BCAS1: variants seen among roughly 807,000 people sequenced by gnomAD.
The protein encoded by BCAS1 is brain enriched myelin associated protein 1.
Under a neutral mutation model 65.4 loss-of-function variants are expected in BCAS1, and 46 were observed. The observed-to-expected ratio is 0.70, with a 90% confidence interval of 0.55 to 0.90. The LOEUF (loss-of-function observed/expected upper bound fraction) is 0.90, where lower values mean the gene tolerates loss of function less well. Among genes scored for constraint, BCAS1 ranks in the 40% least tolerant of loss-of-function variants. The probability of loss-of-function intolerance (pLI) is 0.00; values close to 1 mark genes in which losing one functional copy is unlikely to be tolerated. For synonymous variants in BCAS1, 298 were observed against 293.5 expected (o/e 1.02, Z -0.16); for missense variants, 793 against 771.2 (o/e 1.03, Z -0.33).
intron 3 of BCAS1, among the ~76,000 whole-genome samples, chr20:54,051,463 C>T (rs1405583102): frequency 6.6e-6 from 1 of 152,140 alleles, no homozygotes; most frequent in Non-Finnish European, 1.5e-5. Context: ...AGGTCTCCCT[C>T]TCTTGGGCAG....
intron 4 of BCAS1, among the ~76,000 whole-genome samples, chr20:54,015,547 C>T (rs140676702): frequency 1.1e-3 from 164 of 152,168 alleles, no homozygotes; most frequent in African/African-American, 3.9e-3. Flanking sequence ...ACACAGACAG[C>T]ACAACCATAG....
intron 9 of BCAS1, among the ~76,000 whole-genome samples, chr20:53,967,682 G>A (rs2090071105): frequency 6.6e-6 from 1 of 152,260 alleles, no homozygotes; most frequent in South Asian, 2.1e-4. Context: ...GCAAGAAACT[G>A]ATGGCTAAGT....
At chr20:54,069,948 G>C (rs946959632) in intron 1 of BCAS1, among the ~76,000 whole-genome samples, 2 of 152,188 alleles carry the variant, frequency 1.3e-5, no homozygotes, top group African/African-American at 4.8e-5. Context: ...CTCATAGGGT[G>C]GTCTTGAGCG....
rs1057312380 is a variant in BCAS1 at position 53,947,585 on chromosome 20, C to T, written c.1816-2589G>A. Among the ~76,000 whole-genome samples the T allele has an allele frequency of 7.9e-5, 12 of 152,266 alleles. No individual in the cohort carries two copies. In the East Asian group the frequency reaches 2.1e-3, roughly 27 times the overall value. On this transcript the variant is annotated intron_variant, in intron 12 of 12. Coordinates refer to ENST00000688948, the MANE Select transcript of BCAS1 (RefSeq NM_001366298.2). ...CCCACCCGGTCCTCACTGCAGCCCA[C>T]GAGGTTGACGCCACTGTCGCTCTCA...
chr20:54,041,265 T>C (rs2091985983), intron 3 of BCAS1, among the ~76,000 whole-genome samples: 2 of 151,246 alleles, frequency 1.3e-5, no homozygotes, highest in South Asian at 4.2e-4. Flanking sequence ...ATTGCACACA[T>C]GGTGCAAATA....
Position 54,041,908 on chromosome 20 carries a change from C to CAAAAAAAAAAAAAAAAAAAAAAAAAAA in BCAS1, c.143-12937_143-12936insTTTTTTTTTTTTTTTTTTTTTTTTTTT. ...AGTTCAGAGTGAGACTCTGTCTCCC[C>CAAAAAAAAAAAAAAAAAAAAAAAAAAA]CAAAAAAAAAAAAAAAAAAAAAAGA... On this transcript the variant is annotated intron_variant, in intron 3 of 12. Transcript: ENST00000688948. 2.4e-3 allele frequency among the ~76,000 whole-genome samples: 162 copies of CAAAAAAAAAAAAAAAAAAAAAAAAAAA among 67,292 alleles called. 42 individuals carry two copies. Among genetic ancestry groups the CAAAAAAAAAAAAAAAAAAAAAAAAAAA allele is most frequent in the South Asian group, 3.7e-3 (5 of 1,334 alleles). 44.1% of individuals were successfully genotyped at this position (67,292 alleles called of 152,430 possible). A position where few individuals can be genotyped will look rare whatever the true frequency, so the allele number is the denominator to read the frequency against.
chr20:54,032,158 G>T (rs1209126484), intron 3 of BCAS1, among the ~76,000 whole-genome samples: 2 of 151,402 alleles, frequency 1.3e-5, no homozygotes, highest in African/African-American at 4.8e-5. Context: ...CAAGCCAGAA[G>T]AGATTGAGGA....
intron 8 of BCAS1, among the ~76,000 whole-genome samples, chr20:53,976,928 A>T (rs1376140534): frequency 3.9e-5 from 6 of 152,222 alleles, no homozygotes; most frequent in African/African-American, 1.2e-4. Context: ...CAGTAGTGTT[A>T]CTGTATTAAT....
chr20:54,053,110 T>C (rs755211624), intron 3 of BCAS1, among the ~76,000 whole-genome samples: 1 of 152,234 alleles, frequency 6.6e-6, no homozygotes, highest in Non-Finnish European at 1.5e-5. Context: ...ACATGGTATG[T>C]TGTTTTAACA....
rs147769233 is a variant in BCAS1, at chr20:54,016,658, T to TA, written c.723+11733dup. 2.9e-3 allele frequency among the ~76,000 whole-genome samples: 449 copies of TA among 152,308 alleles called. 2 individuals carry two copies. The highest frequency in any genetic ancestry group is 0.01 in the African/African-American group (431 of 41,554). On this transcript the variant is annotated intron_variant, in intron 4 of 12. Transcript: ENST00000688948. ...CTTCTTAGTGGTCCAGGTAGTTGAT[T>TA]AAGAAATTATCTAAGACTTCAGAGG...
chr20:54,047,259 G>A (rs1458217725), intron 3 of BCAS1, among the ~76,000 whole-genome samples: 2 of 152,142 alleles, frequency 1.3e-5, no homozygotes, highest in African/African-American at 2.4e-5. Flanking sequence ...CAGAAGCTCC[G>A]AGTCTTCTTA....
chr20:54,056,414 G>A (rs966275002), intron 3 of BCAS1, among the ~76,000 whole-genome samples: 10 of 152,100 alleles, frequency 6.6e-5, no homozygotes, highest in African/African-American at 2.2e-4. Context: ...TGTGTATACC[G>A]GGGCGTAGGG....
chr20:54,053,618 A>T (rs1038865072), intron 3 of BCAS1, among the ~76,000 whole-genome samples: 5 of 152,266 alleles, frequency 3.3e-5, no homozygotes, highest in African/African-American at 1.2e-4. Flanking sequence ...CCAAGACAGA[A>T]TAACTTTCCT....
At chr20:54,042,289 G>T (rs2092013972) in intron 3 of BCAS1, among the ~76,000 whole-genome samples, 1 of 151,892 alleles carries the variant, frequency 6.6e-6, no homozygotes. Flanking sequence ...ATAACTAGTG[G>T]GTACTAGGCT....
intron 12 of BCAS1, among the ~76,000 whole-genome samples, chr20:53,946,935 TAATA>T (rs919545665): frequency 5.9e-5 from 9 of 152,062 alleles, no homozygotes; most frequent in African/African-American, 2.2e-4. Context: ...TATTATAGCA[TAATA>T]AATAGAGTGT....
intron 3 of BCAS1, among the ~76,000 whole-genome samples, chr20:54,056,590 C>T (rs950269988): frequency 1.2e-4 from 19 of 152,106 alleles, no homozygotes; most frequent in African/African-American, 4.6e-4. Context: ...CACTTGTACC[C>T]TAAAGCTATG....
intron 12 of BCAS1, among the ~76,000 whole-genome samples, chr20:53,945,918 C>T (rs1365834826): frequency 6.6e-6 from 1 of 152,110 alleles, no homozygotes; most frequent in Non-Finnish European, 1.5e-5. Context: ...ACTACAGGTG[C>T]ACACCACCAA....
At chr20:54,006,625 G>A (rs763928092) in intron 4 of BCAS1, among the ~76,000 whole-genome samples, 6 of 151,422 alleles carry the variant, frequency 4.0e-5, no homozygotes, top group Non-Finnish European at 7.4e-5. Context: ...CAGGAGAATT[G>A]TTTGAACCCA....
chr20:53,975,441 A>T lies in BCAS1; in HGVS notation c.1276-11T>A. On this transcript the variant is annotated splice_polypyrimidine_tract_variant and intron_variant, in intron 8 of 12. Coordinates refer to ENST00000688948, the MANE Select transcript of BCAS1 (RefSeq NM_001366298.2). The stretch of plus-strand genomic sequence containing the variant: ...GTCCTCTTTAACTGACTAAAGGAAG[A>T]TAAAAACAAAAGTGAGAGTTAAAAG... 1.2e-6 allele frequency: 2 copies of T among 1,610,844 alleles called. No individual in the cohort carries two copies. The highest frequency in any genetic ancestry group is 4.5e-5 in the East Asian group (2 of 44,804).
Sources: allele counts gnomAD v4.1 joint callset (sites outside exome capture counted in the v4.1 genomes callset), GRCh38; gene constraint gnomAD v4.1.1; transcripts MANE v1.5; gene names NCBI Gene and HGNC (gene_info 2026-07-23, HGNC 2026-07-21).